The following SNX31 variants were observed in gnomAD, a reference collection of about 807,000 sequenced individuals.
SNX31 encodes the protein sorting nexin 31.
Under a neutral mutation model 65.4 loss-of-function variants are expected in SNX31, and 58 were observed. The observed-to-expected ratio is 0.89, with a 90% CI of 0.72 to 1.10. The LOEUF is 1.10. Ranked by LOEUF, SNX31 falls within the 50% of genes least tolerant of loss-of-function variation. SNX31 has a pLI of 0.00. For missense variants in SNX31, 523 were observed against 529.7 expected (o/e 0.99, Z 0.12); for synonymous variants, 181 against 190.1 (o/e 0.95, Z 0.39).
Position 100,625,408 on chromosome 8 carries a change from G to A in SNX31, c.321+4919C>T, listed in dbSNP as rs1240512203. Among the ~76,000 whole-genome samples, 2 of 148,640 alleles carry A rather than the reference G, an allele frequency of 1.3e-5. No homozygotes were observed. Among genetic ancestry groups the A allele is most frequent in the Non-Finnish European group, 3.0e-5 (2 of 67,340 alleles). On this transcript the variant is annotated intron_variant, in intron 4 of 13. Coordinates refer to ENST00000311812, the MANE Select transcript of SNX31 (RefSeq NM_152628.4). This position sits in a 1 kb window ranked among gnomAD's most constrained non-coding sequence, Gnocchi z 4.2. Reference sequence around the variant, plus strand: ...TCTTGGATGCGCACCATGGCTATTAGACATTCCTCTGCCTCAGAGCAGAAT... The same window carrying A: ...TCTTGGATGCGCACCATGGCTATTAAACATTCCTCTGCCTCAGAGCAGAAT...
rs548855989 is a variant in SNX31 at position 100,629,607 on chromosome 8, C to G, written c.321+720G>C. On this transcript the variant is annotated intron_variant, in intron 4 of 13. Transcript: ENST00000311812. This position sits in a 1 kb window ranked among gnomAD's most constrained non-coding sequence, Gnocchi z 5.1. ...TTTTTGCAAATCTGATCATTCCTCC[C>G]CTGGCTAAGGATCCAGTTAACTAGT... is the stretch of plus-strand genomic sequence containing the variant. Among the ~76,000 whole-genome samples, 1 of 152,282 alleles carries G rather than the reference C, an allele frequency of 6.6e-6. No homozygotes were observed. The highest frequency in any genetic ancestry group is 1.9e-4 in the East Asian group (1 of 5,192).
Position 100,575,885 on chromosome 8 carries a change from T to C in SNX31, c.1227+1134A>G, listed in dbSNP as rs1167310857. On this transcript the variant is annotated intron_variant, in intron 13 of 13. Coordinates refer to ENST00000311812, the MANE Select transcript of SNX31 (RefSeq NM_152628.4). The surrounding 1 kb of genome is among the most constrained non-coding windows in gnomAD (Gnocchi z 5.1). ...GGGCTCAAGCATTAGTTTTTAGAGC[T>C]CCCCAGGTGATTCCAATGTGCAGCC... 6.6e-6 allele frequency among the ~76,000 whole-genome samples: 1 copy of C among 152,112 alleles called. No individual in the cohort carries two copies. The highest frequency in any genetic ancestry group is 6.5e-5 in the Admixed American group (1 of 15,274).
In SNX31 at chr8:100,612,150, CT is replaced by C. The variant is rs1816769496; in HGVS notation, c.524-64del. The C allele has an allele frequency of 1.1e-4, 104 of 983,396 alleles. 2 individuals carry two copies. The South Asian group carries it at 1.5e-3, about 14-fold the overall frequency. The allele number at this position is 983,396 out of a possible 1,614,324, so 60.9% of individuals were successfully genotyped here. A position where few individuals can be genotyped will look rare whatever the true frequency, so the allele number is the denominator to read the frequency against. On this transcript the variant is annotated intron_variant, in intron 6 of 13. Coordinates refer to ENST00000311812, the MANE Select transcript of SNX31 (RefSeq NM_152628.4). The surrounding 1 kb of genome is among the most constrained non-coding windows in gnomAD (Gnocchi z 4.3). ...AGCACAGACAGCTTATATATAGCAG[CT>C]TTCAAATGAGAAAATAAAACCTTAT...
chr8:100,641,230 T>C (rs991208113), intron 2 of SNX31, among the ~76,000 whole-genome samples: 71 of 151,892 alleles, frequency 4.7e-4, no homozygotes, highest in African/African-American at 1.7e-3. Flanking sequence ...CACCTGATCC[T>C]CATCTCTCAT....
At chr8:100,602,019 G>T (rs1045605247) in intron 8 of SNX31, among the ~76,000 whole-genome samples, 3 of 152,166 alleles carry the variant, frequency 2.0e-5, no homozygotes, top group African/African-American at 7.2e-5. Context: ...ACACACACTC[G>T]GCCTGTGCTG....
At chr8:100,654,591 C>A (rs548234680), upstream of SNX31, among the ~76,000 whole-genome samples, 49 of 152,348 alleles carry the variant, frequency 3.2e-4, no homozygotes, top group Middle Eastern at 0.01. Context: ...TGCTGGGAAT[C>A]GAGCCATGGC....
chr8:100,602,741 A>G (rs1815758015), intron 8 of SNX31, among the ~76,000 whole-genome samples: 1 of 152,246 alleles, frequency 6.6e-6, no homozygotes, highest in Non-Finnish European at 1.5e-5. Flanking sequence ...TGATGCAGAC[A>G]GCACGAAGAA....
Position 100,584,213 on chromosome 8 carries a change from T to C in SNX31, c.1093-25A>G, listed in dbSNP as rs751908080. 8.3e-6 allele frequency: 13 copies of C among 1,565,894 alleles called. No individual in the cohort carries two copies. In the African/African-American group the frequency reaches 8.4e-5, roughly 10 times the overall value. On this transcript the variant is annotated intron_variant, in intron 11 of 13. Coordinates refer to ENST00000311812, the MANE Select transcript of SNX31 (RefSeq NM_152628.4). ...CCTAAGAAATGCAGGAATAAAGAAC[T>C]CTTGTAACCGAAGAAATCTTCACTC... is the stretch of plus-strand genomic sequence containing the variant.
intron 4 of SNX31, among the ~76,000 whole-genome samples, chr8:100,627,196 A>T (rs1818099387): frequency 1.3e-5 from 2 of 152,162 alleles, no homozygotes; most frequent in Admixed American, 1.3e-4. Flanking sequence ...TACTAAAAAT[A>T]CAAAAATTAG....
At chr8:100,584,852 C>T (rs1011280386) in intron 11 of SNX31, among the ~76,000 whole-genome samples, 1 of 150,834 alleles carries the variant, frequency 6.6e-6, no homozygotes, top group Non-Finnish European at 1.5e-5. Flanking sequence ...TTGGTTCAAG[C>T]GATTCTCCCG....
chr8:100,625,802 G>A lies in SNX31; in HGVS notation c.321+4525C>T, dbSNP rs1563564559. ...TCAGCCTGTCTGAGAGCGCTACTCC[G>A]GGCCCCACTGGACACCACCTAGTGG... is the stretch of plus-strand genomic sequence containing the variant. On this transcript the variant is annotated intron_variant, in intron 4 of 13. Transcript: ENST00000311812. The surrounding 1 kb of genome is among the most constrained non-coding windows in gnomAD (Gnocchi z 4.2). Among the ~76,000 whole-genome samples the A allele has an allele frequency of 2.0e-5, 3 of 152,234 alleles. No individual in the cohort carries two copies. Among genetic ancestry groups the A allele is most frequent in the East Asian group, 1.9e-4 (1 of 5,172 alleles).
chr8:100,629,181 A>G lies in SNX31; in HGVS notation c.321+1146T>C, dbSNP rs958697106. Among the ~76,000 whole-genome samples, 1 of 152,196 alleles carries G rather than the reference A, an allele frequency of 6.6e-6. No individual in the cohort carries two copies. Among genetic ancestry groups the G allele is most frequent in the Non-Finnish European group, 1.5e-5 (1 of 68,030 alleles). On this transcript the variant is annotated intron_variant, in intron 4 of 13. Transcript: ENST00000311812. This position sits in a 1 kb window ranked among gnomAD's most constrained non-coding sequence, Gnocchi z 5.1. ...TATATATATGTGTGCATGTACATAT[A>G]TATGTATATATATGCATGCTTATAT...
At chr8:100,641,228 C>G (rs557588665) in intron 2 of SNX31, among the ~76,000 whole-genome samples, 1 of 151,780 alleles carries the variant, frequency 6.6e-6, no homozygotes, top group East Asian at 1.9e-4. Flanking sequence ...TTCACCTGAT[C>G]CTCATCTCTC....
chr8:100,579,100 C>CTAT, intron 12 of SNX31, among the ~76,000 whole-genome samples: 1 of 152,106 alleles, frequency 6.6e-6, no homozygotes, highest in Non-Finnish European at 1.5e-5. Context: ...TGTTCTGCTA[C>CTAT]TATTATTATT....
At chr8:100,582,735 T>C (rs1348896598) in intron 12 of SNX31, among the ~76,000 whole-genome samples, 1 of 151,978 alleles carries the variant, frequency 6.6e-6, no homozygotes, top group African/African-American at 2.4e-5. Flanking sequence ...CCCAGCACTT[T>C]AGGAGGCCGA....
chr8:100,630,813 A>G lies in SNX31; in HGVS notation c.257-422T>C, dbSNP rs1340006315. 6.6e-6 allele frequency among the ~76,000 whole-genome samples: 1 copy of G among 152,302 alleles called. No individual in the cohort carries two copies. The highest frequency in any genetic ancestry group is 1.9e-4 in the East Asian group (1 of 5,178). On this transcript the variant is annotated intron_variant, in intron 3 of 13. Transcript: ENST00000311812. This position sits in a 1 kb window ranked among gnomAD's most constrained non-coding sequence, Gnocchi z 5.3. ...ACATCAACTGAGAGCACCTCTTTGGAGTCTCGCCCAGTCGCCCAGGCTGGA... is the reference window on the plus strand; with the variant it reads ...ACATCAACTGAGAGCACCTCTTTGGGGTCTCGCCCAGTCGCCCAGGCTGGA...
intron 2 of SNX31, among the ~76,000 whole-genome samples, chr8:100,647,406 G>A (rs1185233730): frequency 6.6e-6 from 1 of 152,126 alleles, no homozygotes; most frequent in Middle Eastern, 3.2e-3. Flanking sequence ...AGAAGATCAA[G>A]AATAAAATTT....
chr8:100,595,754 C>A (rs907278241), intron 10 of SNX31, among the ~76,000 whole-genome samples: 1 of 152,050 alleles, frequency 6.6e-6, no homozygotes, highest in Admixed American at 6.5e-5. Flanking sequence ...GGAAAGGCTG[C>A]GTTTGAGATG....
chr8:100,607,859 G>A (rs2130993496), intron 8 of SNX31, among the ~76,000 whole-genome samples: 1 of 152,218 alleles, frequency 6.6e-6, no homozygotes, highest in African/African-American at 2.4e-5. Context: ...TTTCAAGTTG[G>A]TAACCGCGAT....
Sources: gnomAD v4.1 joint callset for allele counts (sites outside exome capture counted in the v4.1 genomes callset) on GRCh38, gnomAD v4.1.1 for gene constraint, Gnocchi (gnomAD v3.1) non-coding constraint, MANE v1.5 for transcripts, NCBI Gene and HGNC (gene_info 2026-07-23, HGNC 2026-07-21) for gene names.